Variants in SPATA17 observed in about 807,000 individuals in gnomAD.
The protein encoded by SPATA17 is spermatogenesis associated 17.
In SPATA17, 53 loss-of-function variants were observed where a neutral mutation model predicts 62.2. The ratio of observed to expected loss-of-function variants is 0.85; its 90% CI spans 0.68 to 1.07. SPATA17 has a LOEUF of 1.07. Ranked by LOEUF, SPATA17 falls within the 50% of genes least tolerant of loss-of-function variation. SPATA17 has a pLI of 0.00. For missense variants in SPATA17, 466 were observed against 425.5 expected (o/e 1.10, Z -0.84); for synonymous variants, 146 against 146.8 (o/e 0.99, Z 0.04).
At chr1:217,689,503 G>C (rs1359250293) in intron 5 of SPATA17, among the ~76,000 whole-genome samples, 1 of 152,052 alleles carries the variant, frequency 6.6e-6, no homozygotes, top group Non-Finnish European at 1.5e-5. Flanking sequence ...TGGGATTATA[G>C]GTGTGAGCCA....
chr1:217,797,380 G>A (rs748296269), intron 8 of SPATA17, among the ~76,000 whole-genome samples: 49 of 151,348 alleles, frequency 3.2e-4, no homozygotes, highest in Admixed American at 4.0e-4. Context: ...CTCTTGAGTA[G>A]CTGGGATTAC....
chr1:217,731,771 T>C (rs1165706498), intron 5 of SPATA17, among the ~76,000 whole-genome samples: 1 of 152,160 alleles, frequency 6.6e-6, no homozygotes, highest in Admixed American at 6.5e-5. Context: ...TTAACAGTTT[T>C]AATACTAAAA....
At chr1:217,734,239 T>A (rs1287796706) in intron 5 of SPATA17, among the ~76,000 whole-genome samples, 1 of 152,224 alleles carries the variant, frequency 6.6e-6, no homozygotes, top group Non-Finnish European at 1.5e-5. Context: ...ACTTATTTGG[T>A]TAAATTAATG....
chr1:217,849,580 T>C (rs1288138684), intron 9 of SPATA17, among the ~76,000 whole-genome samples: 2 of 152,138 alleles, frequency 1.3e-5, no homozygotes, highest in African/African-American at 4.8e-5. Context: ...AGTGCAAGTA[T>C]CTGGGAATTG....
At chr1:217,644,820 T>C (rs938154459) in intron 1 of SPATA17, among the ~76,000 whole-genome samples, 1 of 152,118 alleles carries the variant, frequency 6.6e-6, no homozygotes, top group Non-Finnish European at 1.5e-5. Flanking sequence ...CATTATTAAT[T>C]CATTTAGTAT....
At chr1:217,647,447 C>T (rs1481350077) in intron 1 of SPATA17, among the ~76,000 whole-genome samples, 3 of 152,198 alleles carry the variant, frequency 2.0e-5, no homozygotes, top group Non-Finnish European at 2.9e-5. Flanking sequence ...TACCAATGAT[C>T]TCTCCTGAGG....
chr1:217,869,501 A>AT lies in SPATA17; in HGVS notation c.*2486dup, dbSNP rs1676086761. The AT allele has an allele frequency of 1.3e-5, 2 of 152,104 alleles. No individual in the cohort carries two copies. Among genetic ancestry groups the AT allele is most frequent in the Non-Finnish European group, 1.5e-5 (1 of 68,030 alleles). 9.4% of individuals were successfully genotyped at this position (152,104 alleles called of 1,614,324 possible). ...AAAAAAGGTTCTCTACAGAATGTAG[A>AT]TTTTCCCCATAAGAGATAGCTTCGC... On this transcript the variant is annotated 3_prime_UTR_variant, in exon 11 of 11. Transcript: ENST00000366933.
intron 6 of SPATA17, among the ~76,000 whole-genome samples, chr1:217,756,808 G>T (rs189257897): frequency 2.1e-3 from 315 of 152,256 alleles, no homozygotes; most frequent in African/African-American, 6.8e-3. Flanking sequence ...GTGGGTACTT[G>T]TCATCTACTT....
rs1674621747 is a variant in SPATA17 at position 217,812,733 on chromosome 1, T to A, written c.1005+10883T>A. ...TCTAAAAGAGTTGGACAATAAAAAA[T>A]TCAGTGTACTAAAAACATCCTTTTG... is the stretch of plus-strand genomic sequence containing the variant. On this transcript the variant is annotated intron_variant, in intron 9 of 10. Transcript: ENST00000366933. Among the ~76,000 whole-genome samples the A allele has an allele frequency of 2.0e-5, 3 of 152,154 alleles. No homozygotes were observed. The South Asian group carries it at 6.2e-4, about 31-fold the overall frequency.
In SPATA17 at chr1:217,854,759, G is replaced by A. The variant is rs888368727; in HGVS notation, c.1006-8015G>A. On this transcript the variant is annotated intron_variant, in intron 9 of 10. Coordinates refer to ENST00000366933, the MANE Select transcript of SPATA17 (RefSeq NM_138796.4). ...GACCCTGATGATGTCCAGGGCATGC[G>A]ACTTCCATTTCCTTCACTTGGTTTC... 5.3e-5 allele frequency among the ~76,000 whole-genome samples: 8 copies of A among 152,148 alleles called. No homozygotes were observed. The East Asian group carries it at 5.8e-4, about 11-fold the overall frequency.
chr1:217,777,506 A>T (rs1316512726), intron 7 of SPATA17, among the ~76,000 whole-genome samples: 1 of 151,984 alleles, frequency 6.6e-6, no homozygotes, highest in Non-Finnish European at 1.5e-5. Flanking sequence ...GGTTCAAGCG[A>T]TTCTCCTGCC....
rs1341507726 is a variant in SPATA17 at position 217,750,894 on chromosome 1, T to C, written c.519+8796T>C. On this transcript the variant is annotated intron_variant, in intron 6 of 10. Coordinates refer to ENST00000366933, the MANE Select transcript of SPATA17 (RefSeq NM_138796.4). ...CGCAAGGTCACACAACTAGTTTGAA[T>C]ACATTCTGTAAAGCTGGGGCATCCT... is the stretch of plus-strand genomic sequence containing the variant. Among the ~76,000 whole-genome samples the C allele has an allele frequency of 2.0e-5, 3 of 152,200 alleles. No individual in the cohort carries two copies. In the East Asian group the frequency reaches 5.8e-4, roughly 29 times the overall value.
intron 9 of SPATA17, among the ~76,000 whole-genome samples, chr1:217,853,835 A>G (rs954970153): frequency 6.6e-6 from 1 of 152,208 alleles, no homozygotes; most frequent in African/African-American, 2.4e-5. Context: ...AATGAAGCTT[A>G]TCTAGCATGT....
intron 9 of SPATA17, among the ~76,000 whole-genome samples, chr1:217,843,177 A>T (rs747417741): frequency 2.0e-5 from 3 of 152,156 alleles, no homozygotes; most frequent in Non-Finnish European, 2.9e-5. Context: ...TAAAAAGAAT[A>T]CAGTTCTTGG....
intron 3 of SPATA17, chr1:217,665,382 A>G (rs1670673878): frequency 6.6e-6 from 1 of 152,224 alleles, no homozygotes; most frequent in South Asian, 2.1e-4. Flanking sequence ...TTAAAAATTC[A>G]AAAAAGGAGT....
chr1:217,844,940 G>T (rs1372866326), intron 9 of SPATA17, among the ~76,000 whole-genome samples: 1 of 152,032 alleles, frequency 6.6e-6, no homozygotes, highest in African/African-American at 2.4e-5. Flanking sequence ...AAAGTATGAT[G>T]TTCATCACTA....
chr1:217,665,297 T>C (rs574223327), intron 3 of SPATA17: 1 of 152,336 alleles, frequency 6.6e-6, no homozygotes, highest in East Asian at 1.9e-4. Flanking sequence ...AATACTCAAG[T>C]GTGTTAGTTA....
intron 1 of SPATA17, among the ~76,000 whole-genome samples, chr1:217,633,102 G>A (rs911438501): frequency 2.6e-5 from 4 of 152,124 alleles, no homozygotes; most frequent in Non-Finnish European, 5.9e-5. Context: ...GGAAGCTGAG[G>A]CAAGAGAATC....
intron 9 of SPATA17, among the ~76,000 whole-genome samples, chr1:217,843,343 ACGGTGGCTCATGC>A (rs1259665824): frequency 2.6e-5 from 4 of 151,994 alleles, no homozygotes; most frequent in Non-Finnish European, 5.9e-5. Context: ...TTGTCCAAGC[ACGGTGGCTCATGC>A]CTGTAATCTC....
Sources: allele counts gnomAD v4.1 joint callset (sites outside exome capture counted in the v4.1 genomes callset), GRCh38; gene constraint gnomAD v4.1.1; transcripts MANE v1.5; gene names NCBI Gene and HGNC (gene_info 2026-07-23, HGNC 2026-07-21).